Variants in ARRB1 observed in about 807,000 individuals in gnomAD.
ARRB1 encodes the protein arrestin beta 1, also known as beta-arrestin-1.
A neutral mutation model predicts 56.8 loss-of-function variants in ARRB1; 21 were observed. That is an observed-to-expected ratio of 0.37 (90% CI 0.26 to 0.53). ARRB1 has a LOEUF of 0.53. Ranked by LOEUF, ARRB1 falls within the 20% of genes least tolerant of loss-of-function variation. The pLI, the probability that ARRB1 is intolerant of heterozygous loss-of-function variation, is 0.88. For synonymous variants in ARRB1, 210 were observed against 218.6 expected (o/e 0.96, Z 0.35); for missense variants, 424 against 553.7 (o/e 0.77, Z 2.35).
chr11:75,325,265 C>A (rs1031838805), intron 1 of ARRB1, among the ~76,000 whole-genome samples: 1 of 152,158 alleles, frequency 6.6e-6, no homozygotes, highest in African/African-American at 2.4e-5. Context: ...CCGACCCTCA[C>A]CCCAGCCCCT....
intron 2 of ARRB1, among the ~76,000 whole-genome samples, chr11:75,289,665 A>T (rs1291560323): frequency 6.6e-6 from 1 of 152,158 alleles, no homozygotes; most frequent in Admixed American, 6.5e-5. Flanking sequence ...GGGTCCTCTC[A>T]CAGCAGGGGA....
At chr11:75,326,059 C>T (rs1455486539) in intron 1 of ARRB1, among the ~76,000 whole-genome samples, 1 of 152,230 alleles carries the variant, frequency 6.6e-6, no homozygotes, top group African/African-American at 2.4e-5. Context: ...AGGGCACCAG[C>T]TCCCAAGCCT....
intron 1 of ARRB1, among the ~76,000 whole-genome samples, chr11:75,320,148 C>A (rs1044016481): frequency 6.6e-6 from 1 of 152,130 alleles, no homozygotes; most frequent in Non-Finnish European, 1.5e-5. Flanking sequence ...GTGCCCCCAT[C>A]CTGAAGGATT....
Position 75,272,904 on chromosome 11 carries a change from G to A in ARRB1, c.989C>T (p.Ser330Phe). 1 of 1,614,030 alleles carries A rather than the reference G, an allele frequency of 6.2e-7. No homozygotes were observed. Among genetic ancestry groups the A allele is most frequent in the Non-Finnish European group, 8.5e-7 (1 of 1,179,970 alleles). ...TGGCTGGAGCACTCACCCGCCCCGA[G>A]ACACCACCAGCTTCACTTTCACTTT... ...SYKVKVKLVVSRGGLLGDLAS... is the reference protein window; with the variant it reads ...SYKVKVKLVVFRGGLLGDLAS... The change falls in exon 12 of 16, where the codon TCT becomes TTT. Residue 330 changes from serine to phenylalanine, a missense_variant. Physicochemically the swap from Ser to Phe is radical, Grantham distance 155. This residue lies in a region of ARRB1 where 121 missense variants were observed against 147.3 expected (regional missense o/e 0.82). Transcript: ENST00000420843.
chr11:75,293,941 A>G (rs903853859), intron 1 of ARRB1, among the ~76,000 whole-genome samples: 6 of 152,134 alleles, frequency 3.9e-5, no homozygotes, highest in African/African-American at 1.4e-4. Flanking sequence ...AGCTATCTCT[A>G]CTTACTCAAG....
intron 1 of ARRB1, among the ~76,000 whole-genome samples, chr11:75,316,990 C>T (rs1293512971): frequency 2.0e-5 from 3 of 152,100 alleles, no homozygotes; most frequent in Non-Finnish European, 4.4e-5. Context: ...CGTTTGAACC[C>T]GGTAGGTGGA....
intron 1 of ARRB1, among the ~76,000 whole-genome samples, chr11:75,342,419 C>T (rs1286897941): frequency 1.3e-5 from 2 of 152,204 alleles, no homozygotes; most frequent in Non-Finnish European, 2.9e-5. Flanking sequence ...GCCCAGAATT[C>T]TGTCCCCAGT....
chr11:75,333,108 A>G (rs572110697), intron 1 of ARRB1, among the ~76,000 whole-genome samples: 2 of 152,342 alleles, frequency 1.3e-5, no homozygotes, highest in African/African-American at 4.8e-5. Flanking sequence ...GGCCACGGTC[A>G]CTCATATTTG....
At chr11:75,270,503 C>T (rs953017192) in intron 13 of ARRB1, among the ~76,000 whole-genome samples, 2 of 152,206 alleles carry the variant, frequency 1.3e-5, no homozygotes, top group Non-Finnish European at 2.9e-5. Flanking sequence ...TGGCGGGTGC[C>T]TATAATCCCA....
intron 9 of ARRB1, among the ~76,000 whole-genome samples, 177 bp from the exon 10 acceptor site, chr11:75,277,088 A>C (rs576329027): frequency 6.6e-6 from 1 of 152,242 alleles, no homozygotes; most frequent in East Asian, 1.9e-4. Flanking sequence ...AAACACACCC[A>C]TTTCCTTCCA....
intron 1 of ARRB1, among the ~76,000 whole-genome samples, chr11:75,346,327 C>T (rs1947765115): frequency 6.6e-6 from 1 of 152,174 alleles, no homozygotes; most frequent in Non-Finnish European, 1.5e-5. Flanking sequence ...CACTTCACAA[C>T]CCCTCAGCCT....
intron 1 of ARRB1, among the ~76,000 whole-genome samples, chr11:75,337,506 T>G (rs1947624272): frequency 6.6e-6 from 1 of 152,256 alleles, no homozygotes; most frequent in African/African-American, 2.4e-5. Flanking sequence ...GAATCTTCCC[T>G]GACTCACTCC....
At chr11:75,288,369 G>A (rs183991201) in intron 2 of ARRB1, among the ~76,000 whole-genome samples, 272 of 152,250 alleles carry the variant, frequency 1.8e-3, no homozygotes, top group East Asian at 0.011. Context: ...AGCCAGCCGG[G>A]AGGGAAAAAC....
At chr11:75,289,841 G>A (rs1052851844) in intron 2 of ARRB1, among the ~76,000 whole-genome samples, 168 bp downstream of exon 2, 1 of 152,184 alleles carries the variant, frequency 6.6e-6, no homozygotes, top group African/African-American at 2.4e-5. Context: ...CCCTTCAACT[G>A]ACAGCTCCAA....
chr11:75,290,449 C>A (rs490528), intron 1 of ARRB1, among the ~76,000 whole-genome samples: 97,623 of 151,894 alleles, frequency 0.64, 31,717 homozygotes, highest in Non-Finnish European at 0.68. Flanking sequence ...CTCAAGCACA[C>A]CAGGGCGATT....
At chr11:75,278,357 A>G (rs1400130153) in intron 8 of ARRB1, among the ~76,000 whole-genome samples, 1 of 152,186 alleles carries the variant, frequency 6.6e-6, no homozygotes, top group African/African-American at 2.4e-5. Flanking sequence ...CAGGACCTTC[A>G]GGAAGGTCTG....
chr11:75,324,621 G>T (rs574771851), intron 1 of ARRB1, among the ~76,000 whole-genome samples: 2 of 152,090 alleles, frequency 1.3e-5, no homozygotes, highest in Non-Finnish European at 2.9e-5. Context: ...GGGTGTGGGT[G>T]TGGAATAGGG....
intron 1 of ARRB1, chr11:75,311,940 C>T (rs1338463393): frequency 7.7e-6 from 7 of 910,070 alleles, no homozygotes; most frequent in South Asian, 4.5e-5. Context: ...TGAGAGGGGA[C>T]GGCCGGCAGA....
chr11:75,283,168 A>G (rs1239985013), intron 5 of ARRB1, 119 bp downstream of exon 5: 4 of 1,072,348 alleles, frequency 3.7e-6, no homozygotes, highest in Non-Finnish European at 4.0e-6. Context: ...GTCCCAGCAT[A>G]CACTGGGAAA....
Sources: allele counts gnomAD v4.1 joint callset (sites outside exome capture counted in the v4.1 genomes callset), GRCh38; gene constraint gnomAD v4.1.1; regional missense constraint gnomAD v4.1.1; transcripts MANE v1.5; gene names NCBI Gene and HGNC (gene_info 2026-07-23, HGNC 2026-07-21).